The following CDK18 variants were observed in gnomAD, a reference collection of about 807,000 sequenced individuals.
CDK18 encodes the protein cyclin-dependent kinase 18.
Under a neutral mutation model 62.0 loss-of-function variants are expected in CDK18, and 52 were observed. The observed-to-expected ratio is 0.84, with a 90% CI of 0.67 to 1.06. CDK18 has a LOEUF of 1.06. Ranked by LOEUF, CDK18 falls within the 50% of genes least tolerant of loss-of-function variation. The pLI is 0.00. For synonymous variants in CDK18, 237 were observed against 247.0 expected (o/e 0.96, Z 0.38); for missense variants, 604 against 619.9 (o/e 0.97, Z 0.27).
At chr1:205,515,425 C>T (rs2102283590) in intron 1 of CDK18, among the ~76,000 whole-genome samples, 1 of 152,228 alleles carries the variant, frequency 6.6e-6, no homozygotes, top group South Asian at 2.1e-4. Flanking sequence ...GGTCCACCCA[C>T]CTTGACCTCC....
rs764679449 is a variant in CDK18, at chr1:205,530,400, T to C, written c.1312+51T>C. ...GGCCACCCAGAACCAAGGAAAGGGG[T>C]TGGTGAGTGTGGGCAGAAGAACCAG... On this transcript the variant is annotated intron_variant, in intron 14 of 15. Transcript: ENST00000429964. 4 of 1,556,048 alleles carry C rather than the reference T, an allele frequency of 2.6e-6. No homozygotes were observed. The African/African-American group carries it at 5.4e-5, about 21-fold the overall frequency.
chr1:205,505,600 G>A (rs1160580496), intron 1 of CDK18, among the ~76,000 whole-genome samples: 1 of 152,180 alleles, frequency 6.6e-6, no homozygotes, highest in Non-Finnish European at 1.5e-5. Flanking sequence ...GTAGTTGAGG[G>A]ACACCATCAG....
At chr1:205,530,587 TC>T (rs775217173) in intron 14 of CDK18, 40 bp from the exon 15 acceptor site, 55 of 1,565,138 alleles carry the variant, frequency 3.5e-5, no homozygotes, top group Non-Finnish European at 4.3e-5. Context: ...GGAGGCCAGC[TC>T]CACGCAGCCC....
chr1:205,523,304 G>A lies in CDK18; in HGVS notation c.130+7G>A. On this transcript the variant is annotated splice_region_variant and intron_variant, in intron 2 of 15. Coordinates refer to ENST00000429964, the MANE Select transcript of CDK18 (RefSeq NM_212502.3). ...CACAACCGGCGGAATGAGAGTGAGG[G>A]GTCTGGGCCCACCCAGCACCTCTCC... is the stretch of plus-strand genomic sequence containing the variant. 1 of 1,613,950 alleles carries A rather than the reference G, an allele frequency of 6.2e-7. No individual in the cohort carries two copies.
At chr1:205,523,415 A>AGG (rs755289020) in intron 2 of CDK18, 68 bp from the exon 3 acceptor site, 2 of 1,520,654 alleles carry the variant, frequency 1.3e-6, no homozygotes, top group African/African-American at 2.8e-5. Context: ...GCGCTGGGGG[A>AGG]GGGGGGCTAC....
intron 4 of CDK18, 110 bp downstream of exon 4, chr1:205,524,467 G>C: frequency 7.9e-7 from 1 of 1,270,154 alleles, no homozygotes; most frequent in Non-Finnish European, 1.1e-6. Context: ...AGATTCCTGG[G>C]CCTCTGGTGC....
At position 205,517,853 on chromosome 1, in the gene CDK18, G is replaced by A. The variant is rs1667900904; in HGVS notation, c.-21-5294G>A. ...TGCTCTCCCCTTGCTCCCCTTGTCTGTTCTCAACACAGCAGCGTGTTAAAG... is the reference window on the plus strand; with the variant it reads ...TGCTCTCCCCTTGCTCCCCTTGTCTATTCTCAACACAGCAGCGTGTTAAAG... On this transcript the variant is annotated intron_variant, in intron 1 of 15. Transcript: ENST00000429964. This position sits in a 1 kb window ranked among gnomAD's most constrained non-coding sequence, Gnocchi z 4.1. Among the ~76,000 whole-genome samples, 4 of 152,014 alleles carry A rather than the reference G, an allele frequency of 2.6e-5. No individual in the cohort carries two copies. The highest frequency in any genetic ancestry group is 2.6e-4 in the Admixed American group (4 of 15,274).
Position 205,529,202 on chromosome 1 carries a change from C to G in CDK18, c.1072+106C>G, listed in dbSNP as rs374487765. 48 of 1,341,944 alleles carry G rather than the reference C, an allele frequency of 3.6e-5. No homozygotes were observed. In the African/African-American group the frequency reaches 5.1e-4, roughly 14 times the overall value. 83.1% of individuals were successfully genotyped at this position (1,341,944 alleles called of 1,614,324 possible). On this transcript the variant is annotated intron_variant, in intron 11 of 15. Coordinates refer to ENST00000429964, the MANE Select transcript of CDK18 (RefSeq NM_212502.3). ...AGGAGCGGCTCGGCCGCCTCTCTCC[C>G]GGGCGGGGACCCCCTGTGGCCTCGG...
Position 205,526,421 on chromosome 1 carries a change from T to A in CDK18, c.626T>A (p.Ile209Asn). ...HANIVTLHDLIHTDRSLTLVF... is the reference protein window; with the variant it reads ...HANIVTLHDLNHTDRSLTLVF... ...AATATTGTGACCCTGCATGACCTCA[T>A]CCACACAGATCGGTCCCTCACCCTG... Residue 209 changes from isoleucine to asparagine, a missense_variant, in exon 7 of 16, where the codon ATC becomes AAC. Physicochemically the swap from Ile to Asn is moderately radical, Grantham distance 149 (BLOSUM62 -3). Transcript: ENST00000429964. 2 of 1,614,154 alleles carry A rather than the reference T, an allele frequency of 1.2e-6. No homozygotes were observed. The highest frequency in any genetic ancestry group is 1.7e-6 in the Non-Finnish European group (2 of 1,179,996).
Position 205,524,336 on chromosome 1 carries a change from C to T in CDK18, c.378C>T (p.Arg126=). Reference sequence around the variant, plus strand: ...CAGATCTGCCCAAGCCGCTCAGCCGCATGTCCCGCCGGGCCTCCCTGGTGA... The same window carrying T: ...CAGATCTGCCCAAGCCGCTCAGCCGTATGTCCCGCCGGGCCTCCCTGGTGA... ...ESPDLPKPLS[R]MSRRASLSDI... is the part of the protein sequence containing the mutation. The change falls in exon 4 of 16, where the codon CGC becomes CGT. Residue 126 remains arginine, a synonymous_variant. Coordinates refer to ENST00000429964, the MANE Select transcript of CDK18 (RefSeq NM_212502.3). 1 of 1,614,184 alleles carries T rather than the reference C, an allele frequency of 6.2e-7. No homozygotes were observed. Among genetic ancestry groups the T allele is most frequent in the Non-Finnish European group, 8.5e-7 (1 of 1,180,036 alleles).
chr1:205,527,916 T>C lies in CDK18; in HGVS notation c.852T>C (p.Phe284=), dbSNP rs1668523575. 1.2e-6 allele frequency: 2 copies of C among 1,613,920 alleles called. No homozygotes were observed. Among genetic ancestry groups the C allele is most frequent in the East Asian group, 4.5e-5 (2 of 44,862 alleles). Residue 284 remains phenylalanine (F), a splice_region_variant and synonymous_variant, in exon 9 of 16, where the codon TTT becomes TTC. Transcript: ENST00000429964. The surrounding 1 kb of genome is among the most constrained non-coding windows in gnomAD (Gnocchi z 4.1). Reference sequence around the variant, plus strand: ...GGGGGGAGCTGAAGCTGGCCGACTTTGGTGAGGCTGGGGCTAGGGTGGGGG... The same window carrying C: ...GGGGGGAGCTGAAGCTGGCCGACTTCGGTGAGGCTGGGGCTAGGGTGGGGG... ...NERGELKLAD[F]GLARAKSVPT...
rs1360356236 is a variant in CDK18, at chr1:205,528,677, G to C, written c.975-322G>C. ...TTCTCTTCCAGTGGGGCACACAGTGGAGAGAGTTTGAGACAACACTGCTGA... is the reference window on the plus strand; with the variant it reads ...TTCTCTTCCAGTGGGGCACACAGTGCAGAGAGTTTGAGACAACACTGCTGA... On this transcript the variant is annotated intron_variant, in intron 10 of 15. Coordinates refer to ENST00000429964, the MANE Select transcript of CDK18 (RefSeq NM_212502.3). The surrounding 1 kb of genome is among the most constrained non-coding windows in gnomAD (Gnocchi z 4.2). 1 of 335,250 alleles carries C rather than the reference G, an allele frequency of 3.0e-6. No individual in the cohort carries two copies. Among genetic ancestry groups the C allele is most frequent in the African/African-American group, 2.1e-5 (1 of 47,396 alleles). The allele number at this position is 335,250 out of a possible 1,614,324, so 20.8% of individuals were successfully genotyped here.
chr1:205,511,654 G>C (rs74840238), intron 1 of CDK18, among the ~76,000 whole-genome samples: 4,315 of 152,208 alleles, frequency 0.028, 186 homozygotes, highest in African/African-American at 0.099. Context: ...CACCTTCTGG[G>C]TTATCTAACA....
intron 1 of CDK18, among the ~76,000 whole-genome samples, chr1:205,513,451 C>G (rs887442513): frequency 2.6e-5 from 4 of 152,240 alleles, no homozygotes; most frequent in Admixed American, 1.3e-4. Flanking sequence ...TGCAGACCAG[C>G]TTTAGCTGGG....
Position 205,529,057 on chromosome 1 carries a change from A to G in CDK18, c.1033A>G (p.Thr345Ala), listed in dbSNP as rs764850479. The G allele has an allele frequency of 3.1e-6, 5 of 1,595,140 alleles. No individual in the cohort carries two copies. The Admixed American group carries it at 5.2e-5, about 17-fold the overall frequency. The change falls in exon 11 of 16, where the codon ACA (threonine) becomes GCA (alanine). Residue 345 changes from threonine (T) to alanine (A), a missense_variant. Thr to Ala is a moderately conservative substitution (Grantham distance 58). Coordinates refer to ENST00000429964, the MANE Select transcript of CDK18 (RefSeq NM_212502.3). ...AGGGAGGCCCCTCTTCCCGGGCTCCACAGTCAAGGAGGAGCTGCACCTCAT... is the reference window on the plus strand; with the variant it reads ...AGGGAGGCCCCTCTTCCCGGGCTCCGCAGTCAAGGAGGAGCTGCACCTCAT... ...ATGRPLFPGS[T>A]VKEELHLIFR...
intron 1 of CDK18, among the ~76,000 whole-genome samples, chr1:205,507,359 C>T (rs967233649): frequency 3.3e-5 from 5 of 151,958 alleles, no homozygotes; most frequent in South Asian, 4.2e-4. Context: ...AGGCTGGGTG[C>T]GGTGGCTCAC....
At position 205,524,260 on chromosome 1, in the gene CDK18, T is replaced by TGGATATCCGCCTGCCCCA; in HGVS notation, c.306_323dup (p.Asp102_Gln107dup). On this transcript the variant is annotated inframe_insertion, in exon 4 of 16. Coordinates refer to ENST00000429964, the MANE Select transcript of CDK18 (RefSeq NM_212502.3). ...GTCAGCAAGAGGCTCTCTCTGCCCATGGATATCCGCCTGCCCCAGGAATTC... is the reference window on the plus strand; with the variant it reads ...GTCAGCAAGAGGCTCTCTCTGCCCATGGATATCCGCCTGCCCCAGGATATCCGCCTGCCCCAGGAATTC... The TGGATATCCGCCTGCCCCA allele has an allele frequency of 6.2e-7, 1 of 1,614,168 alleles. No individual in the cohort carries two copies. The highest frequency in any genetic ancestry group is 8.5e-7 in the Non-Finnish European group (1 of 1,180,028).
intron 8 of CDK18, 27 bp downstream of exon 8, chr1:205,526,864 C>T: frequency 1.3e-6 from 2 of 1,592,392 alleles, no homozygotes; most frequent in East Asian, 2.2e-5. Context: ...AGGGTCCCCC[C>T]ATCTTGGCAG....
Position 205,532,021 on chromosome 1 carries a change from C to A in CDK18, c.*643C>A, listed in dbSNP as rs1468349466. 1 of 153,750 alleles carries A rather than the reference C, an allele frequency of 6.5e-6. No homozygotes were observed. The highest frequency in any genetic ancestry group is 2.4e-5 in the African/African-American group (1 of 41,446). The allele number at this position is 153,750 out of a possible 1,614,324, so 9.5% of individuals were successfully genotyped here. ...ATTCCCCGACACCCTCTGGCTTGAA[C>A]CATGGCTGAGCAGTGCCGGCATACG... On this transcript the variant is annotated 3_prime_UTR_variant, in exon 16 of 16. Transcript: ENST00000429964.
Sources: gnomAD v4.1 joint callset for allele counts (sites outside exome capture counted in the v4.1 genomes callset) on GRCh38, gnomAD v4.1.1 for gene constraint, Gnocchi (gnomAD v3.1) non-coding constraint, MANE v1.5 for transcripts, NCBI Gene and HGNC (gene_info 2026-07-23, HGNC 2026-07-21) for gene names.